Variants in ATF7IP2 observed in about 807,000 individuals in gnomAD.
ATF7IP2 encodes activating transcription factor 7-interacting protein 2.
Under a neutral mutation model 64.2 loss-of-function variants are expected in ATF7IP2, and 42 were observed. That is an observed-to-expected ratio of 0.65 (90% CI 0.51 to 0.85). The LOEUF is 0.85. Ranked by LOEUF, ATF7IP2 falls within the 40% of genes least tolerant of loss-of-function variation. The probability of loss-of-function intolerance (pLI) is 0.00; values close to 1 mark genes in which losing one functional copy is unlikely to be tolerated. For missense variants in ATF7IP2, 933 were observed against 784.2 expected, an observed-to-expected ratio of 1.19 and a Z score of -2.27; for synonymous variants, 308 against 272.8, an observed-to-expected ratio of 1.13 and a Z score of -1.27.
intron 6 of ATF7IP2, among the ~76,000 whole-genome samples, chr16:10,434,286 C>G (rs145121890): frequency 6.5e-4 from 99 of 152,252 alleles, no homozygotes; most frequent in Admixed American, 1.5e-3. Flanking sequence ...TGTTTCAGTT[C>G]TAGTAGAATG....
At position 10,395,159 on chromosome 16, in the gene ATF7IP2, T is replaced by TA. The variant is rs547311007; in HGVS notation, c.-242+9048dup. On this transcript the variant is annotated intron_variant, in intron 1 of 13. Transcript: ENST00000562102. ...ACATTACTTCTGACCTTCCAGTAGT[T>TA]AAAAAAAAAAATTATAAGGGAATAC... Among the ~76,000 whole-genome samples, 626 of 147,866 alleles carry TA rather than the reference T, an allele frequency of 4.2e-3. 4 individuals carry two copies. Among genetic ancestry groups the TA allele is most frequent in the African/African-American group, 0.01 (414 of 40,588 alleles).
At chr16:10,391,801 CAGG>C (rs2047331402) in intron 1 of ATF7IP2, among the ~76,000 whole-genome samples, 1 of 151,452 alleles carries the variant, frequency 6.6e-6, no homozygotes, top group Non-Finnish European at 1.5e-5. Flanking sequence ...AGGGCTGAAG[CAGG>C]AGAATTGCTT....
At chr16:10,405,035 TAATA>T (rs1409150702) in intron 1 of ATF7IP2, among the ~76,000 whole-genome samples, 1 of 152,030 alleles carries the variant, frequency 6.6e-6, no homozygotes, top group Non-Finnish European at 1.5e-5. Context: ...ACCCTCCCTA[TAATA>T]AATCCTCAGA....
chr16:10,446,023 G>A (rs909930127), intron 8 of ATF7IP2: 2 of 152,130 alleles, frequency 1.3e-5, no homozygotes, highest in Admixed American at 6.6e-5. Context: ...CCAATTATTG[G>A]GCAGTCTTCC....
chr16:10,410,112 G>C (rs760005352), intron 1 of ATF7IP2, among the ~76,000 whole-genome samples: 1 of 152,132 alleles, frequency 6.6e-6, no homozygotes, highest in Non-Finnish European at 1.5e-5. Context: ...TTGTGAAGAA[G>C]ATGGTGGTAT....
chr16:10,458,464 C>T (rs1481879820), intron 9 of ATF7IP2, among the ~76,000 whole-genome samples: 1 of 152,202 alleles, frequency 6.6e-6, no homozygotes. Context: ...TGGTTTGTGT[C>T]TTTTATATGA....
intron 12 of ATF7IP2, among the ~76,000 whole-genome samples, chr16:10,475,790 A>G (rs1199987837): frequency 6.6e-6 from 1 of 151,572 alleles, no homozygotes; most frequent in Middle Eastern, 3.2e-3. Context: ...AGGCAAAATG[A>G]TCAATTTAAA....
At chr16:10,398,132 C>T (rs887277122) in intron 1 of ATF7IP2, among the ~76,000 whole-genome samples, 4 of 151,716 alleles carry the variant, frequency 2.6e-5, no homozygotes, top group African/African-American at 7.3e-5. Context: ...GGCGAAACCC[C>T]ATCTCTACTA....
At chr16:10,392,088 C>G (rs1362371939) in intron 1 of ATF7IP2, among the ~76,000 whole-genome samples, 3 of 124,546 alleles carry the variant, frequency 2.4e-5, no homozygotes, top group Non-Finnish European at 5.0e-5. Flanking sequence ...GATTTTCACT[C>G]TTTTCCCCAG....
chr16:10,479,193 C>T (rs1410813244), intron 12 of ATF7IP2, among the ~76,000 whole-genome samples: 1 of 150,086 alleles, frequency 6.7e-6, no homozygotes, highest in East Asian at 1.9e-4. Context: ...TATAAAGACA[C>T]ATGCACACGT....
At chr16:10,475,418 G>A (rs186359326) in intron 12 of ATF7IP2, among the ~76,000 whole-genome samples, 171 of 152,240 alleles carry the variant, frequency 1.1e-3, no homozygotes, top group African/African-American at 3.8e-3. Context: ...CTGGCTGGGC[G>A]CGGTGGCTCA....
intron 9 of ATF7IP2, among the ~76,000 whole-genome samples, chr16:10,462,555 G>A (rs1256564713): frequency 6.6e-6 from 1 of 152,028 alleles, no homozygotes; most frequent in Non-Finnish European, 1.5e-5. Flanking sequence ...CTGTTGAAAT[G>A]TTTTAACATT....
chr16:10,434,703 C>G (rs2048361784), intron 6 of ATF7IP2, among the ~76,000 whole-genome samples: 1 of 152,120 alleles, frequency 6.6e-6, no homozygotes, highest in Non-Finnish European at 1.5e-5. Flanking sequence ...AAGCATGGAT[C>G]CTAGCCCTAA....
At chr16:10,434,199 T>A (rs1008246462) in intron 6 of ATF7IP2, among the ~76,000 whole-genome samples, 1 of 152,264 alleles carries the variant, frequency 6.6e-6, no homozygotes, top group Non-Finnish European at 1.5e-5. Flanking sequence ...CTTGCTTTCA[T>A]TGTGGCCTCA....
intron 7 of ATF7IP2, among the ~76,000 whole-genome samples, chr16:10,438,752 G>A (rs2048506905): frequency 6.6e-6 from 1 of 152,088 alleles, no homozygotes; most frequent in African/African-American, 2.4e-5. Flanking sequence ...CAATTGACAG[G>A]CTTAATACTT....
At chr16:10,386,655 C>T (rs1399567263) in intron 1 of ATF7IP2, 3 of 152,096 alleles carry the variant, frequency 2.0e-5, no homozygotes, top group Admixed American at 1.3e-4. Context: ...AGGAAAAATA[C>T]AAAATTCTGA....
intron 3 of ATF7IP2, among the ~76,000 whole-genome samples, chr16:10,424,063 C>T (rs1346556683): frequency 2.0e-5 from 3 of 152,160 alleles, no homozygotes; most frequent in African/African-American, 4.8e-5. Flanking sequence ...TAGTTTAAAT[C>T]GGGAAACAAA....
At chr16:10,452,438 C>T (rs1567480995) in intron 8 of ATF7IP2, among the ~76,000 whole-genome samples, 1 of 152,220 alleles carries the variant, frequency 6.6e-6, no homozygotes, top group Non-Finnish European at 1.5e-5. Context: ...GCAGAGGCTG[C>T]AGAACAGCAA....
intron 9 of ATF7IP2, among the ~76,000 whole-genome samples, chr16:10,465,332 A>C (rs2049526564): frequency 6.6e-6 from 1 of 152,140 alleles, no homozygotes; most frequent in African/African-American, 2.4e-5. Flanking sequence ...ATGAATTACT[A>C]ATTTTAGACA....
Sources: allele counts gnomAD v4.1 joint callset (sites outside exome capture counted in the v4.1 genomes callset), GRCh38; gene constraint gnomAD v4.1.1; transcripts MANE v1.5; gene names NCBI Gene and HGNC (gene_info 2026-07-23, HGNC 2026-07-21).